MOB3B: variants seen among roughly 807,000 people sequenced by gnomAD.
MOB3B encodes the protein MOB kinase activator-like 2B.
MOB3B carries 7 observed loss-of-function variants against 18.7 expected under a neutral mutation model. The observed-to-expected ratio is 0.37, with a 90% CI of 0.21 to 0.70. The LOEUF is 0.70. MOB3B is among the 30% of genes least tolerant of loss of function. The pLI, the probability that MOB3B is intolerant of heterozygous loss-of-function variation, is 0.52. For synonymous variants in MOB3B, 111 were observed against 99.9 expected, an observed-to-expected ratio of 1.11 and a Z score of -0.66; for missense variants, 253 against 281.3, an observed-to-expected ratio of 0.90 and a Z score of 0.72.
rs1587133878 is a variant in MOB3B at position 27,328,482 on chromosome 9, G to C, written c.*2105C>G. Reference sequence around the variant, plus strand: ...AAGCAGGAGGAAATTCTTCCAAGAAGCTTAAAAAGATTTGGATTTTTAAAT... The same window carrying C: ...AAGCAGGAGGAAATTCTTCCAAGAACCTTAAAAAGATTTGGATTTTTAAAT... On this transcript the variant is annotated 3_prime_UTR_variant, in exon 4 of 4. Coordinates refer to ENST00000262244, the MANE Select transcript of MOB3B (RefSeq NM_024761.5). 6.6e-6 allele frequency: 1 copy of C among 151,822 alleles called. No individual in the cohort carries two copies. The highest frequency in any genetic ancestry group is 1.5e-5 in the Non-Finnish European group (1 of 67,988). The allele number at this position is 151,822 out of a possible 1,614,324, so 9.4% of individuals were successfully genotyped here.
rs186666822 is a variant in MOB3B, at chr9:27,512,483, A to G, written c.-199+17072T>C. On this transcript the variant is annotated intron_variant, in intron 1 of 3. Coordinates refer to ENST00000262244, the MANE Select transcript of MOB3B (RefSeq NM_024761.5). ...CCATCAGAGATGCCAAAAGTTTAAT[A>G]AAAATATTGCTGAAGGTTGAATTTT... is the stretch of plus-strand genomic sequence containing the variant. 3.1e-3 allele frequency among the ~76,000 whole-genome samples: 466 copies of G among 152,342 alleles called. 2 individuals carry two copies. The highest frequency in any genetic ancestry group is 5.0e-3 in the Non-Finnish European group (342 of 68,022).
intron 1 of MOB3B, among the ~76,000 whole-genome samples, chr9:27,490,738 T>C (rs1205732515): frequency 6.6e-6 from 1 of 152,154 alleles, no homozygotes; most frequent in Non-Finnish European, 1.5e-5. Context: ...TTCTTGACTC[T>C]CACTCCAGTG....
intron 1 of MOB3B, among the ~76,000 whole-genome samples, chr9:27,500,944 G>C (rs1352009660): frequency 6.6e-6 from 1 of 152,048 alleles, no homozygotes; most frequent in Non-Finnish European, 1.5e-5. Context: ...CAAAGGATAT[G>C]AACAGACACT....
Position 27,344,089 on chromosome 9 carries a change from T to TA in MOB3B, c.622-13474dup, listed in dbSNP as rs571037068. Among the ~76,000 whole-genome samples the TA allele has an allele frequency of 8.8e-5, 13 of 146,974 alleles. No individual in the cohort carries two copies. In the East Asian group the frequency reaches 2.5e-3, roughly 29 times the overall value. On this transcript the variant is annotated intron_variant, in intron 3 of 3. Transcript: ENST00000262244. ...TTCCTTATGTGTATTTTACCACAAT[T>TA]AAAAAAATTTAGAAAGGAAAAAAAA...
chr9:27,427,989 G>A (rs1202631244), intron 2 of MOB3B, among the ~76,000 whole-genome samples: 3 of 152,132 alleles, frequency 2.0e-5, no homozygotes, highest in Admixed American at 6.5e-5. Flanking sequence ...TGGTTTCACT[G>A]AGCGGTGACC....
chr9:27,403,333 AG>A (rs1233516845), intron 2 of MOB3B, among the ~76,000 whole-genome samples: 2 of 152,176 alleles, frequency 1.3e-5, no homozygotes, highest in Non-Finnish European at 2.9e-5. Context: ...AAAGTATGAA[AG>A]GTAGAACATA....
At chr9:27,510,143 G>A (rs2131500520) in intron 1 of MOB3B, among the ~76,000 whole-genome samples, 1 of 152,308 alleles carries the variant, frequency 6.6e-6, no homozygotes, top group Admixed American at 6.5e-5. Context: ...CTCATTTGAT[G>A]AAAATCAAGA....
At chr9:27,330,919 T>C (rs879853068) in intron 3 of MOB3B, among the ~76,000 whole-genome samples, 2 of 152,182 alleles carry the variant, frequency 1.3e-5, no homozygotes, top group Non-Finnish European at 2.9e-5. Flanking sequence ...AGAATGGCTG[T>C]CCTCTTCAGC....
chr9:27,489,997 GC>G (rs1434207035), intron 1 of MOB3B, among the ~76,000 whole-genome samples: 1 of 152,140 alleles, frequency 6.6e-6, no homozygotes, highest in Non-Finnish European at 1.5e-5. Flanking sequence ...GTTCAAAAGA[GC>G]CAATGTGCCT....
intron 2 of MOB3B, among the ~76,000 whole-genome samples, chr9:27,385,122 G>A (rs1357134496): frequency 6.6e-6 from 1 of 152,210 alleles, no homozygotes; most frequent in Non-Finnish European, 1.5e-5. Flanking sequence ...GCAAGGGGAT[G>A]AGGAGGGGGG....
chr9:27,375,260 G>A (rs1334041085), intron 2 of MOB3B, among the ~76,000 whole-genome samples: 1 of 152,238 alleles, frequency 6.6e-6, no homozygotes, highest in Admixed American at 6.5e-5. Context: ...AAGCACTGGA[G>A]TGGGGTAGTC....
chr9:27,472,678 T>TAA (rs56092176), intron 1 of MOB3B, among the ~76,000 whole-genome samples: 1,345 of 98,904 alleles, frequency 0.014, 58 homozygotes, highest in African/African-American at 0.052. Context: ...CACTTTATTC[T>TAA]AAAAAAAAAA....
At chr9:27,392,580 A>G (rs914580339) in intron 2 of MOB3B, among the ~76,000 whole-genome samples, 1 of 152,216 alleles carries the variant, frequency 6.6e-6, no homozygotes, top group African/African-American at 2.4e-5. Flanking sequence ...CAAGAAAGCT[A>G]TAATCCCAGA....
At chr9:27,420,749 T>G (rs986622038) in intron 2 of MOB3B, among the ~76,000 whole-genome samples, 1 of 149,296 alleles carries the variant, frequency 6.7e-6, no homozygotes, top group Non-Finnish European at 1.5e-5. Context: ...GCTATGAGGA[T>G]GCAAAGGCAT....
chr9:27,413,793 G>A (rs1413749708), intron 2 of MOB3B, among the ~76,000 whole-genome samples: 2 of 152,182 alleles, frequency 1.3e-5, no homozygotes, highest in Non-Finnish European at 2.9e-5. Flanking sequence ...TGAGCAACTG[G>A]GTAAATCTCA....
intron 3 of MOB3B, among the ~76,000 whole-genome samples, chr9:27,334,826 T>C (rs1820840547): frequency 6.6e-6 from 1 of 151,928 alleles, no homozygotes; most frequent in Non-Finnish European, 1.5e-5. Flanking sequence ...TATTCTTTTT[T>C]TTCTTTTTCT....
chr9:27,366,395 CT>C lies in MOB3B; in HGVS notation c.419-7160del, dbSNP rs527393461. ...AATTTCTGCACTTCAACCCATTTTT[CT>C]TTCTTCCTCTTTCCCTCCTGCCCCT... On this transcript the variant is annotated intron_variant, in intron 2 of 3. Coordinates refer to ENST00000262244, the MANE Select transcript of MOB3B (RefSeq NM_024761.5). Among the ~76,000 whole-genome samples, 462 of 152,204 alleles carry C rather than the reference CT, an allele frequency of 3.0e-3. 5 individuals carry two copies. Among genetic ancestry groups the C allele is most frequent in the Non-Finnish European group, 2.7e-3 (182 of 67,984 alleles).
chr9:27,370,828 A>G (rs1457952601), intron 2 of MOB3B, among the ~76,000 whole-genome samples: 2 of 152,102 alleles, frequency 1.3e-5, no homozygotes, highest in Admixed American at 1.3e-4. Flanking sequence ...GGTTCCCCTT[A>G]CTTTTCCCAA....
chr9:27,472,487 T>C (rs908529799), intron 1 of MOB3B, among the ~76,000 whole-genome samples: 12 of 152,012 alleles, frequency 7.9e-5, no homozygotes, highest in Admixed American at 1.3e-4. Flanking sequence ...CATTTAAGAT[T>C]CTACATTCAT....
Sources: gnomAD v4.1 joint callset for allele counts (sites outside exome capture counted in the v4.1 genomes callset) on GRCh38, gnomAD v4.1.1 for gene constraint, MANE v1.5 for transcripts, NCBI Gene and HGNC (gene_info 2026-07-23, HGNC 2026-07-21) for gene names.